Variants in ZNF717 observed in about 807,000 individuals in gnomAD.
ZNF717 encodes zinc finger protein 717, also known as krueppel-like factor X17.
A neutral mutation model predicts 13.8 loss-of-function variants in ZNF717; 9 were observed. The ratio of observed to expected loss-of-function variants is 0.65; its 90% CI spans 0.39 to 1.14. The LOEUF (loss-of-function observed/expected upper bound fraction) is 1.14, where lower values mean the gene tolerates loss of function less well. Ranked by LOEUF, ZNF717 falls within the 50% of genes most tolerant of loss-of-function variation. The pLI is 0.01. For missense variants in ZNF717, 1,040 were observed against 1,080.7 expected (o/e 0.96, Z 0.53); for synonymous variants, 327 against 364.1 (o/e 0.90, Z 1.16).
intron 5 of ZNF717, among the ~76,000 whole-genome samples, chr3:75,713,525 A>T (rs1197644585): frequency 1.3e-5 from 2 of 152,204 alleles, no homozygotes; most frequent in Admixed American, 1.3e-4. Context: ...AATCTGTCAC[A>T]TATCAGTATT....
chr3:75,774,469 G>T (rs1234819960), intron 2 of ZNF717, among the ~76,000 whole-genome samples: 1 of 152,032 alleles, frequency 6.6e-6, no homozygotes, highest in South Asian at 2.1e-4. Context: ...CCAAAAGAGA[G>T]GTAAACAGGA....
chr3:75,737,413 T>A lies in ZNF717; in HGVS notation c.2210A>T (p.Glu737Val). The A allele has an allele frequency of 6.4e-7, 1 of 1,554,062 alleles. No individual in the cohort carries two copies. The highest frequency in any genetic ancestry group is 2.4e-5 in the East Asian group (1 of 41,056). The change falls in exon 5 of 5, where the codon GAA becomes GTA. Residue 737 changes from glutamate to valine, a missense_variant. This residue lies in a region of ZNF717 where 873 missense variants were observed against 832.8 expected (regional missense o/e 1.05). Transcript: ENST00000652011. ...GAGGACTGACTTCTGACAAGGTTTT[T>A]CCACATTTGCTACATTCATAGGGTT... ...GRNPMNVANVEKPCQKSVLTV... is the reference protein window; with the variant it reads ...GRNPMNVANVVKPCQKSVLTV...
downstream of ZNF717, among the ~76,000 whole-genome samples, chr3:75,704,856 C>T (rs1937770801): frequency 6.6e-6 from 1 of 152,308 alleles, no homozygotes; most frequent in Non-Finnish European, 1.5e-5. Flanking sequence ...CCAAGTGACA[C>T]TGAAAAAAGA....
intron 2 of ZNF717, among the ~76,000 whole-genome samples, chr3:75,745,044 T>C (rs1465445788): frequency 1.3e-5 from 2 of 152,076 alleles, no homozygotes; most frequent in African/African-American, 4.8e-5. Context: ...TCACATATGG[T>C]ACCAAAACAC....
chr3:75,775,687 T>C (rs1315598847), intron 2 of ZNF717, among the ~76,000 whole-genome samples: 5 of 152,056 alleles, frequency 3.3e-5, no homozygotes, highest in Non-Finnish European at 7.4e-5. Flanking sequence ...ACCCCGCCTC[T>C]ACTAAAAATA....
At chr3:75,775,421 G>C (rs76779583) in intron 2 of ZNF717, among the ~76,000 whole-genome samples, 1 of 137,916 alleles carries the variant, frequency 7.3e-6, no homozygotes, top group Non-Finnish European at 1.6e-5. Flanking sequence ...CTAGAATATG[G>C]TGTCTCTTAG....
rs1939634417 is a variant in ZNF717, at chr3:75,737,886, A to G, written c.1737T>C (p.Thr579=). ...TGCCAGCATGAGTTCTCTGATGTAT[A>G]GTTAGGAATGACTTACAGTGAAAGG... ...GKSFHCKSFL[T]IHQRTHAGKK... Residue 579 remains threonine, a synonymous_variant, in exon 5 of 5, where the codon ACT becomes ACC. Coordinates refer to ENST00000652011, the MANE Select transcript of ZNF717 (RefSeq NM_001290208.3). 2 of 1,547,116 alleles carry G rather than the reference A, an allele frequency of 1.3e-6. No individual in the cohort carries two copies. Among genetic ancestry groups the G allele is most frequent in the African/African-American group, 2.8e-5 (2 of 72,678 alleles).
At chr3:75,774,692 C>G (rs1232897041) in intron 2 of ZNF717, among the ~76,000 whole-genome samples, 1 of 143,652 alleles carries the variant, frequency 7.0e-6, no homozygotes, top group Non-Finnish European at 1.5e-5. Flanking sequence ...GCGATCTCGG[C>G]TCACTGCAAG....
At chr3:75,758,840 C>CAA (rs748984499) in intron 2 of ZNF717, among the ~76,000 whole-genome samples, 4 of 141,004 alleles carry the variant, frequency 2.8e-5, no homozygotes, top group African/African-American at 7.7e-5. Flanking sequence ...ACCATCTCTA[C>CAA]AAAAAAAAAA....
chr3:75,767,896 CAA>C (rs1943607105), intron 2 of ZNF717, among the ~76,000 whole-genome samples: 1 of 141,168 alleles, frequency 7.1e-6, no homozygotes, highest in Non-Finnish European at 1.6e-5. Context: ...GGAAAGAAAA[CAA>C]AAGGAAAAAA....
At chr3:75,768,675 A>G (rs772272937) in intron 2 of ZNF717, among the ~76,000 whole-genome samples, 2 of 149,762 alleles carry the variant, frequency 1.3e-5, no homozygotes, top group Non-Finnish European at 3.0e-5. Context: ...GGGGCAGATG[A>G]CAGGCCACCA....
At chr3:75,768,547 G>A (rs1441634846) in intron 2 of ZNF717, among the ~76,000 whole-genome samples, 1 of 150,970 alleles carries the variant, frequency 6.6e-6, no homozygotes, top group East Asian at 2.0e-4. Flanking sequence ...GTGTGTGGGG[G>A]GGTAGATGAC....
chr3:75,776,386 G>T (rs1417629714), intron 2 of ZNF717, among the ~76,000 whole-genome samples: 2 of 152,242 alleles, frequency 1.3e-5, no homozygotes, highest in African/African-American at 2.4e-5. Context: ...TTTATAAAGG[G>T]ATTTCATTCA....
intron 5 of ZNF717, among the ~76,000 whole-genome samples, chr3:75,715,213 C>T (rs1206937147): frequency 1.6e-4 from 25 of 152,200 alleles, no homozygotes; most frequent in African/African-American, 5.8e-4. Flanking sequence ...GTTATATTTT[C>T]AATGTTTACA....
downstream of ZNF717, among the ~76,000 whole-genome samples, chr3:75,708,478 A>T (rs6549771): frequency 3.7e-4 from 56 of 151,946 alleles, no homozygotes; most frequent in African/African-American, 1.2e-3. Flanking sequence ...CGTCACCACC[A>T]TCAAAGACCA....
chr3:75,702,654 G>A (rs1361360608), intron 6 of ZNF717, among the ~76,000 whole-genome samples: 1 of 152,308 alleles, frequency 6.6e-6, no homozygotes, highest in Non-Finnish European at 1.5e-5. Context: ...ATAAATGCTT[G>A]AGGGATGGAT....
At chr3:75,748,314 A>G (rs1175937827) in intron 2 of ZNF717, among the ~76,000 whole-genome samples, 1 of 152,160 alleles carries the variant, frequency 6.6e-6, no homozygotes, top group African/African-American at 2.4e-5. Context: ...ATAGAAAAAG[A>G]GGGAATCCTC....
intron 4 of ZNF717, among the ~76,000 whole-genome samples, chr3:75,717,044 T>C (rs1469581205): frequency 6.6e-6 from 1 of 152,234 alleles, no homozygotes; most frequent in African/African-American, 2.4e-5. Context: ...CTTGGAATGC[T>C]GGTTTCCTGG....
At chr3:75,709,327 C>T (rs894565151), downstream of ZNF717, among the ~76,000 whole-genome samples, 1 of 152,056 alleles carries the variant, frequency 6.6e-6, no homozygotes, top group Admixed American at 6.6e-5. Flanking sequence ...AACCAGAACT[C>T]ACATGAACTC....
Sources: allele counts gnomAD v4.1 joint callset (sites outside exome capture counted in the v4.1 genomes callset), GRCh38; gene constraint gnomAD v4.1.1; regional missense constraint gnomAD v4.1.1; transcripts MANE v1.5; gene names NCBI Gene and HGNC (gene_info 2026-07-23, HGNC 2026-07-21).